The following NBPF15 variants were observed in gnomAD, a reference collection of about 807,000 sequenced individuals.
The protein encoded by NBPF15 is NBPF family member NBPF15.
Under a neutral mutation model 62.2 loss-of-function variants are expected in NBPF15, and 74 were observed. That is an observed-to-expected ratio of 1.19 (90% CI 0.99 to 1.44). The LOEUF is 1.44. NBPF15 is among the 40% of genes most tolerant of loss of function. NBPF15 has a pLI of 0.00. For synonymous variants in NBPF15, 244 were observed against 209.7 expected, an observed-to-expected ratio of 1.16 and a Z score of -1.41; for missense variants, 790 against 550.0, an observed-to-expected ratio of 1.44 and a Z score of -4.36.
At chr1:144,423,690 T>A (rs1380253664) in intron 21 of NBPF15, among the ~76,000 whole-genome samples, 180 bp downstream of exon 21, 1 of 151,920 alleles carries the variant, frequency 6.6e-6, no homozygotes, top group South Asian at 2.1e-4. Flanking sequence ...CGTTAGTAAA[T>A]GATAAGGGGA....
intron 21 of NBPF15, among the ~76,000 whole-genome samples, chr1:144,423,620 T>A (rs1476722429): frequency 6.6e-6 from 1 of 152,004 alleles, no homozygotes; most frequent in Non-Finnish European, 1.5e-5. Flanking sequence ...TAAAATATGC[T>A]CAAAATTTGA....
chr1:144,455,831 G>A, intron 4 of NBPF15, among the ~76,000 whole-genome samples: 1 of 151,970 alleles, frequency 6.6e-6, no homozygotes, highest in South Asian at 2.1e-4. Context: ...ACTCGTTATG[G>A]GGTCTCTAGC....
chr1:144,447,142 T>A (rs1415534472), intron 6 of NBPF15, among the ~76,000 whole-genome samples: 35 of 152,264 alleles, frequency 2.3e-4, no homozygotes, highest in Non-Finnish European at 4.7e-4. Flanking sequence ...AGAACCCTGT[T>A]GTTCTGACAG....
At chr1:144,455,656 G>C (rs587734246) in intron 4 of NBPF15, among the ~76,000 whole-genome samples, 4 of 151,968 alleles carry the variant, frequency 2.6e-5, no homozygotes, top group Non-Finnish European at 4.4e-5. Flanking sequence ...GTCTGACATC[G>C]TCCATTTGTC....
intron 13 of NBPF15, among the ~76,000 whole-genome samples, chr1:144,433,286 A>G (rs9438327): frequency 1.4e-4 from 21 of 152,190 alleles, no homozygotes; most frequent in Admixed American, 4.6e-4. Context: ...AGAATCTCTG[A>G]GACACATTTA....
Position 144,426,450 on chromosome 1 carries a change from C to A in NBPF15, c.1266G>T (p.Arg422Ser), listed in dbSNP as rs1430504547. The A allele has an allele frequency of 1.3e-5, 10 of 795,728 alleles. 1 individual carries two copies. Among genetic ancestry groups the A allele is most frequent in the East Asian group, 2.4e-5 (1 of 41,152 alleles). The allele number at this position is 795,728 out of a possible 1,614,324, so 49.3% of individuals were successfully genotyped here. The change falls in exon 18 of 22, where the codon AGG becomes AGT. Residue 422 changes from arginine to serine, a missense_variant and splice_region_variant. Physicochemically the swap from Arg to Ser is moderately radical, Grantham distance 110 (BLOSUM62 -1). Transcript: ENST00000581897. ...TCTCATCCAGCAGCTCCCTGCTGAG[C>A]CTGGAAAAGTAGGAAAAAGTAAAGA... is the stretch of plus-strand genomic sequence containing the variant. The part of the protein sequence containing the change: ...VEEDQDPSCP[R>S]LSRELLDEKE...
intron 16 of NBPF15, 147 bp downstream of exon 16, chr1:144,427,671 C>G: frequency 6.3e-6 from 4 of 636,142 alleles, no homozygotes; most frequent in Admixed American, 2.5e-5. Context: ...CCAAGTGGAA[C>G]TAGAGTTTCA....
In NBPF15 at chr1:144,439,910, T is replaced by C. The variant is rs1422777510; in HGVS notation, c.94A>G (p.Lys32Glu). Residue 32 changes from lysine to glutamate, a missense_variant, in exon 8 of 22, where the codon AAA becomes GAA. By Grantham distance (56) the Lys-to-Glu change is moderately conservative. Transcript: ENST00000581897. ...EKLRPQLAEK[K>E]QQFRNLKEKC... ...TCTTTGAGGTTTCTGAACTGCTGTT[T>C]CTTCTCTGCCAACTGGGGGCGCAAT... 1 of 1,611,626 alleles carries C rather than the reference T, an allele frequency of 6.2e-7. No individual in the cohort carries two copies. Among genetic ancestry groups the C allele is most frequent in the Non-Finnish European group, 8.5e-7 (1 of 1,179,286 alleles).
intron 3 of NBPF15, among the ~76,000 whole-genome samples, chr1:144,457,305 T>C (rs1448760355): frequency 6.6e-6 from 1 of 152,062 alleles, no homozygotes; most frequent in Non-Finnish European, 1.5e-5. Flanking sequence ...TTCTTTGGAA[T>C]CTCATCTACT....
At chr1:144,441,398 T>A (rs1272075211) in intron 6 of NBPF15, among the ~76,000 whole-genome samples, 1 of 151,806 alleles carries the variant, frequency 6.6e-6, no homozygotes, top group Non-Finnish European at 1.5e-5. Context: ...GGTTTTCTCA[T>A]GCCTAATGTT....
chr1:144,440,647 C>CTT lies in NBPF15; in HGVS notation c.-190-354_-190-353dup, dbSNP rs1163752160. On this transcript the variant is annotated intron_variant, in intron 6 of 21. Coordinates refer to ENST00000581897, the MANE Select transcript of NBPF15 (RefSeq NM_001385408.1). ...CATTTAGTATGTTCTCTTGTTTTGA[C>CTT]TTTTTTTTTTTTTTTTTTTGTTTGA... 9.6e-4 allele frequency: 130 copies of CTT among 135,810 alleles called. 1 individual carries two copies. The highest frequency in any genetic ancestry group is 4.1e-3 in the Middle Eastern group (1 of 242). The allele number at this position is 135,810 out of a possible 1,614,324, so 8.4% of individuals were successfully genotyped here.
In NBPF15 at chr1:144,445,270, GTATATATA is replaced by G. The variant is rs59434439; in HGVS notation, c.-191+3497_-191+3504del. Among the ~76,000 whole-genome samples, 40 of 105,018 alleles carry G rather than the reference GTATATATA, an allele frequency of 3.8e-4. 1 individual carries two copies. Among genetic ancestry groups the G allele is most frequent in the African/African-American group, 1.4e-3 (39 of 27,846 alleles). 68.9% of individuals were successfully genotyped at this position (105,018 alleles called of 152,430 possible). ...TGTGTGTTTGTGTGTGTCTGTATAT[GTATATATA>G]TATATATATATATATATATTCCCTA... On this transcript the variant is annotated intron_variant, in intron 6 of 21. Coordinates refer to ENST00000581897, the MANE Select transcript of NBPF15 (RefSeq NM_001385408.1).
chr1:144,438,311 A>G (rs1680175513), intron 8 of NBPF15, among the ~76,000 whole-genome samples: 1 of 150,940 alleles, frequency 6.6e-6, no homozygotes, highest in Non-Finnish European at 1.5e-5. Context: ...GTGGAGTCAG[A>G]ATTCACAGTC....
At chr1:144,424,450 G>A (rs1192399753) in intron 20 of NBPF15, among the ~76,000 whole-genome samples, 1 of 151,996 alleles carries the variant, frequency 6.6e-6, no homozygotes, top group Non-Finnish European at 1.5e-5. Context: ...CCAATGTCAT[G>A]AGAGTAGAAT....
At chr1:144,439,702 C>T (rs1571136982) in intron 8 of NBPF15, 127 bp downstream of exon 8, 5 of 486,636 alleles carry the variant, frequency 1.0e-5, no homozygotes, top group African/African-American at 2.0e-5. Context: ...TGTTAAAATA[C>T]CCATTTCTGT....
rs1355046781 is a variant in NBPF15 at position 144,422,871 on chromosome 1, G to C, written c.*142C>G. The C allele has an allele frequency of 1.9e-6, 3 of 1,581,898 alleles. No homozygotes were observed. The highest frequency in any genetic ancestry group is 2.6e-6 in the Non-Finnish European group (3 of 1,165,594). On this transcript the variant is annotated 3_prime_UTR_variant, in exon 22 of 22. Coordinates refer to ENST00000581897, the MANE Select transcript of NBPF15 (RefSeq NM_001385408.1). ...ATTGAGCACAGGTTGCCAATGGCAT[G>C]GTTTGAGAATAGGAATAGAGCCATG...
At chr1:144,459,871 C>T (rs1393444548) in intron 2 of NBPF15, among the ~76,000 whole-genome samples, 1 of 151,680 alleles carries the variant, frequency 6.6e-6, no homozygotes, top group East Asian at 1.9e-4. Context: ...ATGGTACAAC[C>T]ACTTTGGGAA....
chr1:144,445,268 A>AAG (rs1553543711), intron 6 of NBPF15, among the ~76,000 whole-genome samples: 1 of 93,808 alleles, frequency 1.1e-5, no homozygotes, highest in Non-Finnish European at 2.2e-5. Flanking sequence ...GTGTCTGTAT[A>AAG]TGTATATATA....
intron 21 of NBPF15, 61 bp from the exon 22 acceptor site, chr1:144,423,317 C>G (rs56003727): frequency 1.2e-6 from 2 of 1,610,746 alleles, no homozygotes; most frequent in South Asian, 1.1e-5. Context: ...CAGAGCCCCA[C>G]TAGATTTCAG....
Sources: allele counts gnomAD v4.1 joint callset (sites outside exome capture counted in the v4.1 genomes callset), GRCh38; gene constraint gnomAD v4.1.1; transcripts MANE v1.5; gene names NCBI Gene and HGNC (gene_info 2026-07-23, HGNC 2026-07-21).